STPG2: variants seen among roughly 807,000 people sequenced by gnomAD.
The protein encoded by STPG2 is sperm tail PG-rich repeat containing 2, also known as sperm-tail PG-rich repeat-containing protein 2.
Under a neutral mutation model 54.2 loss-of-function variants are expected in STPG2, and 56 were observed. That is an observed-to-expected ratio of 1.03 (90% CI 0.83 to 1.29). STPG2 has a LOEUF of 1.29. Ranked by LOEUF, STPG2 falls within the 50% of genes most tolerant of loss-of-function variation. The pLI is 0.00. For missense variants in STPG2, 596 were observed against 544.9 expected (o/e 1.09, Z -0.93); for synonymous variants, 200 against 181.8 (o/e 1.10, Z -0.81).
At chr4:97,457,928 T>TGC (rs1729569232) in intron 4 of STPG2, among the ~76,000 whole-genome samples, 2 of 152,168 alleles carry the variant, frequency 1.3e-5, no homozygotes, top group African/African-American at 2.4e-5. Context: ...ACTTTAACAC[T>TGC]CATTGCACTG....
chr4:97,629,731 A>G lies in STPG2; in HGVS notation c.1321-70614T>C, dbSNP rs542933239. ...TTGACAACAATCTAATTTCATGTGT[A>G]AAATCTGGGAGTAGCAGTAGCATCT... On this transcript the variant is annotated intron_variant, in intron 10 of 10. Coordinates refer to ENST00000295268, the MANE Select transcript of STPG2 (RefSeq NM_174952.3). 5.9e-5 allele frequency among the ~76,000 whole-genome samples: 9 copies of G among 152,144 alleles called. No homozygotes were observed. The East Asian group carries it at 9.6e-4, about 16-fold the overall frequency.
At chr4:98,034,893 A>G (rs112296527) in intron 5 of STPG2, among the ~76,000 whole-genome samples, 1 of 152,212 alleles carries the variant, frequency 6.6e-6, no homozygotes, top group Non-Finnish European at 1.5e-5. Flanking sequence ...CTGGCTAGCC[A>G]TGTGCAGAAA....
At chr4:97,477,337 T>C (rs991232383) in intron 4 of STPG2, among the ~76,000 whole-genome samples, 4 of 152,180 alleles carry the variant, frequency 2.6e-5, no homozygotes, top group Non-Finnish European at 5.9e-5. Flanking sequence ...GAACTCCTAA[T>C]CACCTGAGTG....
At chr4:97,928,770 T>G (rs762300308) in intron 8 of STPG2, among the ~76,000 whole-genome samples, 11 of 152,252 alleles carry the variant, frequency 7.2e-5, no homozygotes, top group Non-Finnish European at 1.5e-4. Flanking sequence ...GAACATATAC[T>G]ATCTCCCAAT....
intron 10 of STPG2, chr4:97,572,675 C>G (rs1041311251): frequency 1.3e-5 from 2 of 152,136 alleles, no homozygotes; most frequent in East Asian, 3.9e-4. Flanking sequence ...TCGGAAATAA[C>G]TTGCAATCAG....
At chr4:97,561,505 G>A (rs184852689) in intron 10 of STPG2, among the ~76,000 whole-genome samples, 33 of 152,224 alleles carry the variant, frequency 2.2e-4, no homozygotes, top group African/African-American at 7.0e-4. Flanking sequence ...TGGTGTTTTA[G>A]ACATGAAGTC....
At chr4:97,652,766 A>C (rs1319241104) in intron 10 of STPG2, among the ~76,000 whole-genome samples, 2 of 152,028 alleles carry the variant, frequency 1.3e-5, no homozygotes, top group Non-Finnish European at 2.9e-5. Context: ...TCATAAGAAC[A>C]TGAAAAGTTT....
intron 10 of STPG2, among the ~76,000 whole-genome samples, chr4:97,619,229 G>T (rs1396550465): frequency 3.3e-5 from 5 of 152,012 alleles, no homozygotes; most frequent in Non-Finnish European, 4.4e-5. Context: ...TAAAGGTTGT[G>T]TGTGTGTGTA....
At chr4:98,023,766 T>G (rs1736316011) in intron 5 of STPG2, among the ~76,000 whole-genome samples, 1 of 152,124 alleles carries the variant, frequency 6.6e-6, no homozygotes, top group African/African-American at 2.4e-5. Flanking sequence ...GCTGCCACCT[T>G]GCAGTTTGAT....
At chr4:97,738,583 T>A (rs1725107254) in intron 9 of STPG2, among the ~76,000 whole-genome samples, 1 of 152,004 alleles carries the variant, frequency 6.6e-6, no homozygotes, top group Non-Finnish European at 1.5e-5. Flanking sequence ...TAAAACAGAC[T>A]TCAAACCAAC....
At chr4:97,519,353 A>G (rs1731136537) in intron 4 of STPG2, among the ~76,000 whole-genome samples, 1 of 151,970 alleles carries the variant, frequency 6.6e-6, no homozygotes, top group South Asian at 2.1e-4. Context: ...CTTGCCCTGG[A>G]AGGCATCAAG....
intron 8 of STPG2, among the ~76,000 whole-genome samples, chr4:97,905,939 A>AC (rs750695460): frequency 2.0e-5 from 3 of 152,194 alleles, no homozygotes; most frequent in Non-Finnish European, 4.4e-5. Context: ...TGACGCCCTA[A>AC]CATCACAATT....
chr4:97,646,297 C>T (rs577184977), intron 10 of STPG2, among the ~76,000 whole-genome samples: 13 of 152,272 alleles, frequency 8.5e-5, no homozygotes, highest in Non-Finnish European at 1.6e-4. Context: ...AGTCCTCTAT[C>T]CACCATTTGT....
At chr4:97,817,058 A>G (rs1207335811) in intron 9 of STPG2, among the ~76,000 whole-genome samples, 2 of 149,052 alleles carry the variant, frequency 1.3e-5, no homozygotes, top group Non-Finnish European at 3.0e-5. Flanking sequence ...GGGTGTACTT[A>G]ACAAAGAATA....
intron 9 of STPG2, among the ~76,000 whole-genome samples, chr4:97,740,270 A>G (rs929025059): frequency 2.0e-5 from 3 of 152,240 alleles, no homozygotes; most frequent in African/African-American, 7.2e-5. Context: ...CTGAATGGGC[A>G]AAAACTGGAA....
intron 10 of STPG2, among the ~76,000 whole-genome samples, chr4:97,579,973 T>G (rs941169010): frequency 6.6e-6 from 1 of 151,954 alleles, no homozygotes; most frequent in African/African-American, 2.4e-5. Context: ...CCAATCTAAC[T>G]GATAGAAAAT....
chr4:97,662,961 A>ATAC (rs1266300982), intron 10 of STPG2, among the ~76,000 whole-genome samples: 7 of 152,214 alleles, frequency 4.6e-5, no homozygotes, highest in African/African-American at 1.7e-4. Flanking sequence ...AATAAATAAA[A>ATAC]TACTAGAACT....
intron 5 of STPG2, among the ~76,000 whole-genome samples, chr4:98,023,356 G>A (rs577681023): frequency 9.2e-4 from 140 of 152,220 alleles, no homozygotes; most frequent in Non-Finnish European, 1.6e-3. Context: ...GCGGATTTTC[G>A]TGAACCGCAA....
chr4:98,057,463 C>T (rs113647099), intron 5 of STPG2, among the ~76,000 whole-genome samples: 1,793 of 137,330 alleles, frequency 0.013, 29 homozygotes, highest in African/African-American at 0.047. Flanking sequence ...AATCTCAGGG[C>T]TTGAAGACTT....
Sources: allele counts gnomAD v4.1 joint callset (sites outside exome capture counted in the v4.1 genomes callset), GRCh38; gene constraint gnomAD v4.1.1; transcripts MANE v1.5; gene names NCBI Gene and HGNC (gene_info 2026-07-23, HGNC 2026-07-21).